USH2A: variants seen among roughly 807,000 people sequenced by gnomAD.
USH2A encodes Usher syndrome 2A (autosomal recessive, mild).
In USH2A, 443 loss-of-function variants were observed where a neutral mutation model predicts 538.9. The observed-to-expected ratio is 0.82, with a 90% CI of 0.76 to 0.89. The LOEUF (loss-of-function observed/expected upper bound fraction) is 0.89. USH2A is among the 40% of genes least tolerant of loss of function. The probability of loss-of-function intolerance (pLI) is 0.00; values close to 1 mark genes in which losing one functional copy is unlikely to be tolerated. For missense variants in USH2A, 6,633 were observed against 6,324.8 expected (o/e 1.05, Z -1.65); for synonymous variants, 2,413 against 2,273.5 (o/e 1.06, Z -1.75).
intron 27 of USH2A, 113 bp from the exon 28 acceptor site, chr1:216,073,413 T>C: frequency 1.7e-6 from 2 of 1,144,516 alleles, no homozygotes; most frequent in Non-Finnish European, 2.5e-6. Context: ...TAGATACAAT[T>C]GCTAGACTTT....
rs544425250 is a variant in USH2A at position 216,312,974 on chromosome 1, C to T, written c.1644+8909G>A. On this transcript the variant is annotated intron_variant, in intron 9 of 71. Coordinates refer to ENST00000307340, the MANE Select transcript of USH2A (RefSeq NM_206933.4). The stretch of plus-strand genomic sequence containing the variant: ...TGGTAAGATGAGAGGGGAGGGAAAG[C>T]GTTCTATGGCAGTGGTCCCCAATAT... Among the ~76,000 whole-genome samples the T allele has an allele frequency of 2.0e-5, 3 of 152,026 alleles. No homozygotes were observed. The South Asian group carries it at 6.2e-4, about 32-fold the overall frequency.
At chr1:216,257,108 G>T (rs1391851459) in intron 11 of USH2A, among the ~76,000 whole-genome samples, 1 of 152,008 alleles carries the variant, frequency 6.6e-6, no homozygotes, top group East Asian at 1.9e-4. Flanking sequence ...TACCAATGCA[G>T]TTGCCATTTT....
In USH2A at chr1:215,828,979, C is replaced by T. The variant is rs113868563; in HGVS notation, c.9371+9012G>A. On this transcript the variant is annotated intron_variant, in intron 47 of 71. Coordinates refer to ENST00000307340, the MANE Select transcript of USH2A (RefSeq NM_206933.4). ...TCATCCAGGTCAGTCTCTACATTCTCGAGGACCAGAATTAATGAATTAGCT... is the reference window on the plus strand; with the variant it reads ...TCATCCAGGTCAGTCTCTACATTCTTGAGGACCAGAATTAATGAATTAGCT... Among the ~76,000 whole-genome samples, 806 of 152,218 alleles carry T rather than the reference C, an allele frequency of 5.3e-3. 5 individuals carry two copies. The highest frequency in any genetic ancestry group is 0.018 in the African/African-American group (764 of 41,542).
chr1:215,963,749 T>C (rs1382373715), intron 37 of USH2A, among the ~76,000 whole-genome samples: 2 of 152,252 alleles, frequency 1.3e-5, no homozygotes, highest in East Asian at 1.9e-4. Context: ...TGATCACCCC[T>C]GTCATGTGTA....
intron 21 of USH2A, among the ~76,000 whole-genome samples, chr1:216,107,159 AGT>A (rs1278661274): frequency 6.6e-6 from 1 of 151,780 alleles, no homozygotes; most frequent in South Asian, 2.1e-4. Flanking sequence ...GTTTGTTGAT[AGT>A]GTGTTTGATT....
chr1:216,015,915 T>A (rs1013730454), intron 32 of USH2A, among the ~76,000 whole-genome samples: 1 of 152,120 alleles, frequency 6.6e-6, no homozygotes, highest in African/African-American at 2.4e-5. Context: ...GCCGCACTAT[T>A]CACAATAGCA....
At position 216,095,586 on chromosome 1, in the gene USH2A, G is replaced by C. The variant is rs754976597; in HGVS notation, c.4758+1497C>G. 2.0e-5 allele frequency among the ~76,000 whole-genome samples: 3 copies of C among 152,128 alleles called. No individual in the cohort carries two copies. The East Asian group carries it at 5.8e-4, about 29-fold the overall frequency. ...TTAAGAAGCTGCATTACTAGGGGAC[G>C]CTCAGAAATCTTTGTGTCTGAGGAC... On this transcript the variant is annotated intron_variant, in intron 22 of 71. Transcript: ENST00000307340.
chr1:215,810,949 A>G (rs1479498552), intron 49 of USH2A, among the ~76,000 whole-genome samples: 1 of 152,180 alleles, frequency 6.6e-6, no homozygotes, highest in African/African-American at 2.4e-5. Context: ...TCTATTAATT[A>G]TAAGGAAAAA....
At chr1:216,343,286 TG>T (rs1423482990) in intron 4 of USH2A, among the ~76,000 whole-genome samples, 1 of 150,948 alleles carries the variant, frequency 6.6e-6, no homozygotes, top group African/African-American at 2.4e-5. Flanking sequence ...TAGCTGGGCT[TG>T]ATGGTTCATG....
chr1:216,231,608 G>T, intron 14 of USH2A, among the ~76,000 whole-genome samples: 1 of 151,620 alleles, frequency 6.6e-6, no homozygotes, highest in Admixed American at 6.6e-5. Context: ...GAGTACAGTG[G>T]CGCGATCTCG....
At chr1:216,310,190 C>T (rs2037393404) in intron 9 of USH2A, among the ~76,000 whole-genome samples, 1 of 151,926 alleles carries the variant, frequency 6.6e-6, no homozygotes, top group Non-Finnish European at 1.5e-5. Flanking sequence ...TTATTCATTG[C>T]CCTTGTTCTT....
rs887441664 is a variant in USH2A at position 215,998,955 on chromosome 1, T to C, written c.6589A>G (p.Thr2197Ala). 3.3e-5 allele frequency: 54 copies of C among 1,613,176 alleles called. No homozygotes were observed. Among genetic ancestry groups the C allele is most frequent in the Non-Finnish European group, 4.4e-5 (52 of 1,179,498 alleles). Residue 2197 changes from threonine to alanine, a missense_variant, in exon 34 of 72, where the codon ACA (threonine) becomes GCA (alanine). Thr to Ala is a moderately conservative substitution (Grantham distance 58, BLOSUM62 0). Transcript: ENST00000307340. ...AGCATATGATCCTGGAAAAGTTCTGTACTGTTATAGATGACACTCCAAATT... is the reference window on the plus strand; with the variant it reads ...AGCATATGATCCTGGAAAAGTTCTGCACTGTTATAGATGACACTCCAAATT... ...FTIWSVIYNS[T>A]ELFQDHMLQY...
chr1:215,939,175 C>T (rs1391603385), intron 37 of USH2A, among the ~76,000 whole-genome samples: 1 of 152,196 alleles, frequency 6.6e-6, no homozygotes, highest in Non-Finnish European at 1.5e-5. Context: ...ACCTCTTTCT[C>T]TCTGTCACTA....
intron 41 of USH2A, among the ~76,000 whole-genome samples, chr1:215,882,545 A>C (rs1664940406): frequency 6.6e-6 from 1 of 152,164 alleles, no homozygotes; most frequent in African/African-American, 2.4e-5. Flanking sequence ...ATATAAATAC[A>C]AGAAACATTA....
chr1:216,009,356 T>C (rs1668487822), intron 32 of USH2A, among the ~76,000 whole-genome samples: 1 of 152,178 alleles, frequency 6.6e-6, no homozygotes, highest in African/African-American at 2.4e-5. Context: ...CTAAGTGTCT[T>C]ATTTTCTTCT....
intron 11 of USH2A, among the ~76,000 whole-genome samples, chr1:216,273,506 T>C (rs1298400057): frequency 1.3e-5 from 2 of 152,120 alleles, no homozygotes; most frequent in Non-Finnish European, 2.9e-5. Flanking sequence ...ACATAGTTTA[T>C]TTAAACATAA....
chr1:216,229,724 T>G (rs779579512), intron 14 of USH2A, among the ~76,000 whole-genome samples: 1 of 152,154 alleles, frequency 6.6e-6, no homozygotes, highest in Non-Finnish European at 1.5e-5. Context: ...AAATCCACCT[T>G]CTAACCCAGG....
At chr1:216,334,572 T>A (rs188988955) in intron 4 of USH2A, among the ~76,000 whole-genome samples, 1 of 151,856 alleles carries the variant, frequency 6.6e-6, no homozygotes, top group Admixed American at 6.6e-5. Flanking sequence ...CCTATAGGAG[T>A]TCTGCAAGAG....
chr1:215,996,035 C>T (rs987660983), intron 34 of USH2A, among the ~76,000 whole-genome samples: 6 of 152,050 alleles, frequency 3.9e-5, no homozygotes, highest in Admixed American at 6.6e-5. Flanking sequence ...CTCAGCCTCC[C>T]GAGTAGCTGG....
Sources: gnomAD v4.1 joint callset for allele counts (sites outside exome capture counted in the v4.1 genomes callset) on GRCh38, gnomAD v4.1.1 for gene constraint, MANE v1.5 for transcripts, NCBI Gene and HGNC (gene_info 2026-07-23, HGNC 2026-07-21) for gene names.